The following SLC35F3 variants were observed in gnomAD, a reference collection of about 807,000 sequenced individuals.
SLC35F3 encodes solute carrier family 35 member F3.
A neutral mutation model predicts 49.9 loss-of-function variants in SLC35F3; 25 were observed. The observed-to-expected ratio is 0.50, with a 90% CI of 0.37 to 0.70. The LOEUF (loss-of-function observed/expected upper bound fraction) is 0.70. Among genes scored for constraint, SLC35F3 ranks in the 30% least tolerant of loss-of-function variants. The pLI is 0.00. For synonymous variants in SLC35F3, 275 were observed against 265.4 expected (o/e 1.04, Z -0.35); for missense variants, 525 against 639.8 (o/e 0.82, Z 1.94).
At chr1:234,117,638 G>C (rs928929169) in intron 2 of SLC35F3, among the ~76,000 whole-genome samples, 1 of 149,400 alleles carries the variant, frequency 6.7e-6, no homozygotes, top group African/African-American at 2.5e-5. Context: ...TGTCATCCCA[G>C]AACTTTGGGA....
At chr1:234,023,550 C>G (rs1663931457) in intron 2 of SLC35F3, among the ~76,000 whole-genome samples, 1 of 152,000 alleles carries the variant, frequency 6.6e-6, no homozygotes, top group African/African-American at 2.4e-5. Flanking sequence ...AGTACAAGTA[C>G]AAATAACTTA....
chr1:234,171,080 G>T (rs191400006), intron 2 of SLC35F3, among the ~76,000 whole-genome samples: 176 of 152,334 alleles, frequency 1.2e-3, no homozygotes, highest in African/African-American at 3.9e-3. Context: ...CAACCCAGGG[G>T]TTCCCCAAAG....
chr1:234,109,975 G>A (rs1665381094), intron 2 of SLC35F3, among the ~76,000 whole-genome samples: 1 of 152,192 alleles, frequency 6.6e-6, no homozygotes, highest in Admixed American at 6.5e-5. Context: ...AGCTCTGGTT[G>A]GCAGGGCTAT....
At chr1:233,968,933 C>T (rs549604316) in intron 2 of SLC35F3, among the ~76,000 whole-genome samples, 121 of 152,162 alleles carry the variant, frequency 8.0e-4, no homozygotes, top group African/African-American at 2.7e-3. Context: ...TTTTCTGTTC[C>T]TGCATTAATT....
At chr1:234,154,436 A>G (rs1002493997) in intron 2 of SLC35F3, among the ~76,000 whole-genome samples, 16 of 152,294 alleles carry the variant, frequency 1.1e-4, no homozygotes, top group African/African-American at 3.8e-4. Flanking sequence ...TCAACTGCCA[A>G]TCCAGTAGCA....
chr1:234,226,427 G>C (rs557753916), intron 2 of SLC35F3, among the ~76,000 whole-genome samples: 1 of 151,832 alleles, frequency 6.6e-6, no homozygotes, highest in Non-Finnish European at 1.5e-5. Context: ...ACTTATTCTC[G>C]GGGAAGCTCA....
chr1:234,292,868 C>T (rs1444853507), intron 3 of SLC35F3, among the ~76,000 whole-genome samples: 2 of 152,186 alleles, frequency 1.3e-5, no homozygotes, highest in African/African-American at 4.8e-5. Flanking sequence ...AAGGTACTTC[C>T]AGCTTTAGAT....
At chr1:234,288,153 C>G (rs1668452978) in intron 3 of SLC35F3, among the ~76,000 whole-genome samples, 1 of 152,182 alleles carries the variant, frequency 6.6e-6, no homozygotes, top group Non-Finnish European at 1.5e-5. Context: ...TCCCAAGGCA[C>G]TAGGATTACA....
intron 3 of SLC35F3, among the ~76,000 whole-genome samples, chr1:234,232,374 G>A (rs1667392190): frequency 6.6e-6 from 1 of 151,944 alleles, no homozygotes. Flanking sequence ...TCAGTATGCA[G>A]GAGGGCTCAT....
intron 2 of SLC35F3, among the ~76,000 whole-genome samples, chr1:234,025,164 G>T (rs991137939): frequency 1.3e-5 from 2 of 152,158 alleles, no homozygotes; most frequent in African/African-American, 4.8e-5. Flanking sequence ...TCTTTTTTTG[G>T]CTGTGTAGTA....
chr1:234,222,846 G>A (rs1467750736), intron 2 of SLC35F3, among the ~76,000 whole-genome samples: 2 of 152,186 alleles, frequency 1.3e-5, no homozygotes, highest in Non-Finnish European at 2.9e-5. Flanking sequence ...TCTGGGTTTT[G>A]TGTGCAGGTC....
chr1:233,947,016 T>G (rs1277132740), intron 2 of SLC35F3, among the ~76,000 whole-genome samples: 1 of 152,214 alleles, frequency 6.6e-6, no homozygotes, highest in Non-Finnish European at 1.5e-5. Context: ...AATAAATGAC[T>G]GAAGTGGGTC....
chr1:233,922,602 G>A (rs1008735983), intron 2 of SLC35F3, among the ~76,000 whole-genome samples: 2 of 149,578 alleles, frequency 1.3e-5, no homozygotes, highest in Admixed American at 6.8e-5. Context: ...TAGGTTGCCT[G>A]TTCACTCTGA....
intron 2 of SLC35F3, among the ~76,000 whole-genome samples, chr1:234,171,912 T>C (rs953302938): frequency 6.6e-6 from 1 of 152,170 alleles, no homozygotes; most frequent in Non-Finnish European, 1.5e-5. Context: ...CATAAATGTA[T>C]GTAATTTTTA....
chr1:233,996,358 G>A (rs2102829837), intron 2 of SLC35F3, among the ~76,000 whole-genome samples: 1 of 152,260 alleles, frequency 6.6e-6, no homozygotes, highest in African/African-American at 2.4e-5. Context: ...CGGGAATGGA[G>A]CATCCTCGGA....
At chr1:234,155,852 T>C (rs1294874625) in intron 2 of SLC35F3, among the ~76,000 whole-genome samples, 1 of 151,616 alleles carries the variant, frequency 6.6e-6, no homozygotes, top group Non-Finnish European at 1.5e-5. Context: ...TAATATTCAA[T>C]TACTATAAGA....
chr1:234,003,740 G>A (rs1199081061), intron 2 of SLC35F3, among the ~76,000 whole-genome samples: 1 of 152,074 alleles, frequency 6.6e-6, no homozygotes, highest in Non-Finnish European at 1.5e-5. Context: ...GGAGGAATAC[G>A]GAATGAACTC....
intron 2 of SLC35F3, among the ~76,000 whole-genome samples, chr1:234,061,774 T>C (rs1053962074): frequency 2.6e-5 from 4 of 152,352 alleles, no homozygotes; most frequent in Non-Finnish European, 5.9e-5. Context: ...TTAGTTGTTA[T>C]ACTTTTCAAC....
rs115342119 is a variant in SLC35F3, at chr1:234,091,456, T to C, written c.284-139961T>C. ...GACCACGACCTGAGGAGGGGAACCC[T>C]TGGAGGAAATTACAAAGTGCTCACT... On this transcript the variant is annotated intron_variant, in intron 2 of 7. Transcript: ENST00000366618. Among the ~76,000 whole-genome samples the C allele has an allele frequency of 6.1e-3, 935 of 152,304 alleles. 12 individuals are homozygous for C. Among genetic ancestry groups the C allele is most frequent in the African/African-American group, 0.021 (873 of 41,550 alleles).
Sources: gnomAD v4.1 joint callset for allele counts (sites outside exome capture counted in the v4.1 genomes callset) on GRCh38, gnomAD v4.1.1 for gene constraint, MANE v1.5 for transcripts, NCBI Gene and HGNC (gene_info 2026-07-23, HGNC 2026-07-21) for gene names.